The following SMIM22 variants were observed in gnomAD, a reference collection of about 807,000 sequenced individuals.
SMIM22 encodes the protein cancer associated small integral membrane open reading frame 1.
SMIM22 carries 16 observed loss-of-function variants against 8.4 expected under a neutral mutation model. The ratio of observed to expected loss-of-function variants is 1.90; its 90% confidence interval spans 1.29 to 2.89. SMIM22 has a LOEUF of 2.89. Ranked by LOEUF, SMIM22 falls within the 30% of genes most tolerant of loss-of-function variation. The pLI is 0.00. For synonymous variants in SMIM22, 67 were observed against 47.6 expected (o/e 1.41, Z -1.68); for missense variants, 159 against 107.5 (o/e 1.48, Z -2.12).
rs1216334953 is a variant in SMIM22 at position 4,795,984 on chromosome 16, A to ACTGCTG, written c.169_174dup (p.Cys57_Cys58dup). On this transcript the variant is annotated inframe_insertion, in exon 3 of 4. Coordinates refer to ENST00000586005, the MANE Select transcript of SMIM22 (RefSeq NM_001253794.2). ...CTCCTGCTGCTGCTGGTCGTCGCCC[A>ACTGCTG]CTGCTGCTGCTGCAGCTCCCCCGGG... 4 of 1,506,150 alleles carry ACTGCTG rather than the reference A, an allele frequency of 2.7e-6. No individual in the cohort carries two copies. The highest frequency in any genetic ancestry group is 3.5e-6 in the Non-Finnish European group (4 of 1,131,516). The allele number at this position is 1,506,150 out of a possible 1,614,324, so 93.3% of individuals were successfully genotyped here.
chr16:4,789,909 CTT>C (rs2082524948), intron 2 of SMIM22: 1 of 132,396 alleles, frequency 7.6e-6, no homozygotes, highest in South Asian at 2.1e-4. Flanking sequence ...CCTTTCTTTT[CTT>C]TCTTTTTTTT....
At chr16:4,789,421 G>T (rs1333344487) in intron 2 of SMIM22, among the ~76,000 whole-genome samples, 2 of 151,914 alleles carry the variant, frequency 1.3e-5, no homozygotes, top group South Asian at 2.1e-4. Context: ...TGCCTCCCGG[G>T]TTCACGCCGC....
At chr16:4,792,175 C>T (rs1306712148), upstream of SMIM22, among the ~76,000 whole-genome samples, 1 of 152,008 alleles carries the variant, frequency 6.6e-6, no homozygotes, top group African/African-American at 2.4e-5. Context: ...GGAGCAGGGG[C>T]CACAGTTGTT....
At chr16:4,791,799 T>G (rs1371141460), upstream of SMIM22, among the ~76,000 whole-genome samples, 1 of 152,116 alleles carries the variant, frequency 6.6e-6, no homozygotes, top group Non-Finnish European at 1.5e-5. Flanking sequence ...GTGATTCTCC[T>G]GCCTCAGCTT....
chr16:4,792,199 CTTT>C (rs1003080993), upstream of SMIM22, among the ~76,000 whole-genome samples: 1 of 150,094 alleles, frequency 6.7e-6, no homozygotes. Flanking sequence ...CTGCACTTTT[CTTT>C]TTTTTTGAGA....
chr16:4,792,089 G>C (rs1314687386), upstream of SMIM22, among the ~76,000 whole-genome samples: 2 of 152,190 alleles, frequency 1.3e-5, no homozygotes, highest in African/African-American at 2.4e-5. Flanking sequence ...GGTACCCAGA[G>C]AGACAGGAAG....
At chr16:4,790,316 G>T (rs919418113) in intron 2 of SMIM22, among the ~76,000 whole-genome samples, 7 of 152,148 alleles carry the variant, frequency 4.6e-5, no homozygotes, top group Admixed American at 4.6e-4. Flanking sequence ...CAGACAATAG[G>T]TAAACAGATG....
Position 4,796,404 on chromosome 16 carries a change from C to T in SMIM22, c.*173C>T, listed in dbSNP as rs1471428847. 1.2e-5 allele frequency: 9 copies of T among 732,382 alleles called. No individual in the cohort carries two copies. The highest frequency in any genetic ancestry group is 5.6e-5 in the Admixed American group (2 of 35,562). The allele number at this position is 732,382 out of a possible 1,614,324, so 45.4% of individuals were successfully genotyped here. ...CAGCACGACTGTGCCAGGTCATCCTCAGTCACCTAGCTGGGAGGGGAGCTG... is the reference window on the plus strand; with the variant it reads ...CAGCACGACTGTGCCAGGTCATCCTTAGTCACCTAGCTGGGAGGGGAGCTG... On this transcript the variant is annotated 3_prime_UTR_variant, in exon 4 of 4. Coordinates refer to ENST00000586005, the MANE Select transcript of SMIM22 (RefSeq NM_001253794.2).
intron 2 of SMIM22, chr16:4,790,034 C>T (rs1255025711): frequency 6.6e-6 from 1 of 152,008 alleles, no homozygotes; most frequent in Non-Finnish European, 1.5e-5. Context: ...CCTGCCCCAG[C>T]CTCCCTAGTA....
chr16:4,788,785 C>T (rs1165770960), intron 2 of SMIM22: 1 of 152,218 alleles, frequency 6.6e-6, no homozygotes, highest in African/African-American at 2.4e-5. Flanking sequence ...AGTGCTGTTA[C>T]TACCCCAAGC....
upstream of SMIM22, among the ~76,000 whole-genome samples, chr16:4,791,604 G>T (rs892613689): frequency 2.0e-5 from 3 of 152,282 alleles, no homozygotes; most frequent in Non-Finnish European, 4.4e-5. Flanking sequence ...GGGTCCAGAA[G>T]TCTGACTCAC....
upstream of SMIM22, among the ~76,000 whole-genome samples, chr16:4,792,807 C>CAA (rs1247341963): frequency 7.2e-4 from 34 of 46,998 alleles, no homozygotes; most frequent in Admixed American, 1.8e-3. Context: ...GACTCCGTCT[C>CAA]AAAAAAAAAA....
chr16:4,792,820 A>AC, upstream of SMIM22, among the ~76,000 whole-genome samples: 1 of 150,368 alleles, frequency 6.7e-6, no homozygotes, highest in East Asian at 2.0e-4. Flanking sequence ...AAAAAAAAAA[A>AC]AAAAAAAGGC....
upstream of SMIM22, among the ~76,000 whole-genome samples, chr16:4,791,736 G>A (rs971169697): frequency 3.9e-5 from 6 of 152,156 alleles, no homozygotes; most frequent in African/African-American, 1.4e-4. Flanking sequence ...CACCCAGGCT[G>A]GAGTGCAGTG....
intron 2 of SMIM22, chr16:4,788,918 A>T (rs1469405830): frequency 6.6e-6 from 1 of 152,186 alleles, no homozygotes; most frequent in Non-Finnish European, 1.5e-5. Context: ...TGTATCTTAG[A>T]GGTTATCACC....
At chr16:4,789,356 C>T (rs372264002) in intron 2 of SMIM22, among the ~76,000 whole-genome samples, 36 of 150,260 alleles carry the variant, frequency 2.4e-4, no homozygotes, top group African/African-American at 7.6e-4. Context: ...GACGGAGTCT[C>T]GCTCTGTCAC....
rs1349972023 is a variant in SMIM22 at position 4,795,965 on chromosome 16, C to T, written c.142C>T (p.Leu48=). Residue 48 remains leucine, a synonymous_variant, in exon 3 of 4, where the codon CTG becomes TTG. Transcript: ENST00000586005. ...LTFMGTVLLL[L]LLVVAHCCCC... ...GTCCCCAGGCACCGTGCTGCTCCTG[C>T]TGCTGCTGGTCGTCGCCCACTGCTG... The T allele has an allele frequency of 6.6e-7, 1 of 1,506,810 alleles. No homozygotes were observed. The highest frequency in any genetic ancestry group is 2.5e-5 in the East Asian group (1 of 40,704). 93.3% of individuals were successfully genotyped at this position (1,506,810 alleles called of 1,614,324 possible). A position where few individuals can be genotyped will look rare whatever the true frequency, so the allele number is the denominator to read the frequency against.
At position 4,795,961 on chromosome 16, in the gene SMIM22, CCTG is replaced by C. The variant is rs2141900555; in HGVS notation, c.148_150del (p.Leu50del). The C allele has an allele frequency of 2.0e-6, 3 of 1,507,546 alleles. No homozygotes were observed. The highest frequency in any genetic ancestry group is 2.7e-6 in the Non-Finnish European group (3 of 1,132,056). 93.4% of individuals were successfully genotyped at this position (1,507,546 alleles called of 1,614,324 possible). ...TCCTGTCCCCAGGCACCGTGCTGCT[CCTG>C]CTGCTGCTGGTCGTCGCCCACTGCT... On this transcript the variant is annotated inframe_deletion, in exon 3 of 4. Transcript: ENST00000586005.
At chr16:4,791,079 C>A (rs1303957294), upstream of SMIM22, among the ~76,000 whole-genome samples, 1 of 152,200 alleles carries the variant, frequency 6.6e-6, no homozygotes. Flanking sequence ...CTGGGGATGT[C>A]CCCTAAGGAA....
Sources: allele counts gnomAD v4.1 joint callset (sites outside exome capture counted in the v4.1 genomes callset), GRCh38; gene constraint gnomAD v4.1.1; transcripts MANE v1.5; gene names NCBI Gene and HGNC (gene_info 2026-07-23, HGNC 2026-07-21).